Variants in PTPRN2 observed in about 807,000 individuals in gnomAD.
PTPRN2 encodes receptor-type tyrosine-protein phosphatase N2.
PTPRN2 carries 74 observed loss-of-function variants against 118.8 expected under a neutral mutation model. That is an observed-to-expected ratio of 0.62 (90% CI 0.52 to 0.76). PTPRN2 has a LOEUF of 0.76. Among genes scored for constraint, PTPRN2 ranks in the 30% least tolerant of loss-of-function variants. The pLI is 0.00. For synonymous variants in PTPRN2, 641 were observed against 608.0 expected (o/e 1.05, Z -0.80); for missense variants, 1,481 against 1,394.4 (o/e 1.06, Z -0.99).
chr7:158,017,395 G>A (rs1411842715), intron 11 of PTPRN2, among the ~76,000 whole-genome samples: 2 of 151,740 alleles, frequency 1.3e-5, no homozygotes, highest in Non-Finnish European at 2.9e-5. Context: ...CAGGAGCAGG[G>A]AGAAGGGTCT....
intron 11 of PTPRN2, among the ~76,000 whole-genome samples, chr7:158,018,565 T>C (rs975239717): frequency 6.6e-6 from 1 of 152,210 alleles, no homozygotes; most frequent in Non-Finnish European, 1.5e-5. Flanking sequence ...CATCTCGGCT[T>C]GAAATGGATC....
At chr7:158,052,348 A>C (rs748197867) in intron 11 of PTPRN2, among the ~76,000 whole-genome samples, 9 of 152,242 alleles carry the variant, frequency 5.9e-5, no homozygotes, top group Admixed American at 1.3e-4. Flanking sequence ...CGAAAGTTAA[A>C]GACAGAGAGA....
At chr7:157,983,801 G>A (rs1803501756) in intron 11 of PTPRN2, among the ~76,000 whole-genome samples, 1 of 152,246 alleles carries the variant, frequency 6.6e-6, no homozygotes, top group Non-Finnish European at 1.5e-5. Context: ...ACTGTTAAGT[G>A]GAAATTGTCT....
intron 12 of PTPRN2, among the ~76,000 whole-genome samples, chr7:157,724,802 A>G (rs1470642252): frequency 6.6e-6 from 1 of 152,250 alleles, no homozygotes; most frequent in Non-Finnish European, 1.5e-5. Context: ...AGAAATACTA[A>G]GTCCAACCAT....
At position 157,693,762 on chromosome 7, in the gene PTPRN2, C is replaced by A. The variant is rs553681164; in HGVS notation, c.1789-10825G>T. ...CCCGCGGCGACCTCGCACCACCTTC[C>A]CCGCCAGCCCGCGGCTCTCCTCGCC... is the stretch of plus-strand genomic sequence containing the variant. On this transcript the variant is annotated intron_variant, in intron 12 of 22. Coordinates refer to ENST00000389418, the MANE Select transcript of PTPRN2 (RefSeq NM_002847.5). Among the ~76,000 whole-genome samples, 21 of 152,226 alleles carry A rather than the reference C, an allele frequency of 1.4e-4. No individual in the cohort carries two copies. In the East Asian group the frequency reaches 3.7e-3, roughly 27 times the overall value.
chr7:158,158,272 C>T (rs751859637), intron 6 of PTPRN2, among the ~76,000 whole-genome samples: 7 of 152,328 alleles, frequency 4.6e-5, no homozygotes, highest in East Asian at 1.9e-4. Flanking sequence ...CTGCTGTCAC[C>T]GTGAAAAGTC....
intron 2 of PTPRN2, among the ~76,000 whole-genome samples, chr7:158,331,547 C>T (rs1278211429): frequency 1.4e-4 from 19 of 132,834 alleles, no homozygotes; most frequent in Admixed American, 1.4e-3. Context: ...ACCATAAGAG[C>T]TGACACCCGC....
intron 12 of PTPRN2, among the ~76,000 whole-genome samples, chr7:157,694,660 G>GT (rs1797681704): frequency 6.6e-6 from 1 of 152,074 alleles, no homozygotes; most frequent in Admixed American, 6.5e-5. Flanking sequence ...GCAGGAAAAT[G>GT]TATCTTCTAA....
At chr7:158,468,655 G>T (rs965979504) in intron 2 of PTPRN2, among the ~76,000 whole-genome samples, 1 of 152,128 alleles carries the variant, frequency 6.6e-6, no homozygotes, top group African/African-American at 2.4e-5. Flanking sequence ...AATAGAGAGG[G>T]GTGCGCAGGG....
chr7:158,068,464 C>A (rs943218361), intron 11 of PTPRN2, among the ~76,000 whole-genome samples: 1 of 152,178 alleles, frequency 6.6e-6, no homozygotes, highest in Non-Finnish European at 1.5e-5. Context: ...GCACTCGGCA[C>A]CACCTTTGCA....
chr7:158,504,653 T>C (rs1822616792), intron 1 of PTPRN2, among the ~76,000 whole-genome samples: 1 of 152,248 alleles, frequency 6.6e-6, no homozygotes, highest in Non-Finnish European at 1.5e-5. Flanking sequence ...TACACACAAC[T>C]TTATAACCTG....
In PTPRN2 at chr7:157,594,779, G is replaced by C. The variant is rs188558349; in HGVS notation, c.2496+459C>G. Among the ~76,000 whole-genome samples the C allele has an allele frequency of 3.2e-4, 49 of 152,332 alleles. 1 individual carries two copies. The highest frequency in any genetic ancestry group is 9.4e-4 in the African/African-American group (39 of 41,568). Reference sequence around the variant, plus strand: ...GACATTCACGTCAGCCCTCACGTCTGTGCCTTCATCTGTGTGACCTGGGCT... The same window carrying C: ...GACATTCACGTCAGCCCTCACGTCTCTGCCTTCATCTGTGTGACCTGGGCT... On this transcript the variant is annotated intron_variant, in intron 17 of 22. Coordinates refer to ENST00000389418, the MANE Select transcript of PTPRN2 (RefSeq NM_002847.5).
At chr7:157,739,083 ATC>A in intron 12 of PTPRN2, 1 of 152,180 alleles carries the variant, frequency 6.6e-6, no homozygotes, top group East Asian at 1.9e-4. Flanking sequence ...TTGTTCCCAA[ATC>A]TCTGTGACAT....
At chr7:158,491,710 G>A (rs917880798) in intron 1 of PTPRN2, among the ~76,000 whole-genome samples, 19 of 152,152 alleles carry the variant, frequency 1.2e-4, no homozygotes, top group African/African-American at 3.1e-4. Context: ...GGCTGGTCTC[G>A]AACTCCTGAC....
Position 158,362,275 on chromosome 7 carries a change from A to C in PTPRN2, c.164-45343T>G, listed in dbSNP as rs930260161. 3.3e-4 allele frequency among the ~76,000 whole-genome samples: 50 copies of C among 152,356 alleles called. 2 individuals are homozygous for C. Among genetic ancestry groups the C allele is most frequent in the Admixed American group, 2.7e-3 (42 of 15,298 alleles). ...CCTCAGCCTGGTGTCTCCCAAGGCC[A>C]GCACTGTCCTGTGTGGCAAGAGGAT... On this transcript the variant is annotated intron_variant, in intron 2 of 22. Coordinates refer to ENST00000389418, the MANE Select transcript of PTPRN2 (RefSeq NM_002847.5).
At chr7:158,585,676 AC>A (rs1310682711) in intron 1 of PTPRN2, among the ~76,000 whole-genome samples, 1 of 151,914 alleles carries the variant, frequency 6.6e-6, no homozygotes, top group African/African-American at 2.4e-5. Context: ...TCTCTCAGCT[AC>A]CCCCCACCTT....
chr7:158,330,770 A>G lies in PTPRN2; in HGVS notation c.164-13838T>C, dbSNP rs370565237. Among the ~76,000 whole-genome samples, 585 of 97,264 alleles carry G rather than the reference A, an allele frequency of 6.0e-3. 2 individuals are homozygous for G. The highest frequency in any genetic ancestry group is 0.018 in the African/African-American group (484 of 27,498). The allele number at this position is 97,264 out of a possible 152,430, so 63.8% of individuals were successfully genotyped here. A position where few individuals can be genotyped will look rare whatever the true frequency, so the allele number is the denominator to read the frequency against. On this transcript the variant is annotated intron_variant, in intron 2 of 22. Coordinates refer to ENST00000389418, the MANE Select transcript of PTPRN2 (RefSeq NM_002847.5). Reference sequence around the variant, plus strand: ...CCACACTCTCACCATAAGAGCTGACACCCGCAGACGTCACTCACACCCACA... The same window carrying G: ...CCACACTCTCACCATAAGAGCTGACGCCCGCAGACGTCACTCACACCCACA...
chr7:158,289,832 T>G (rs188194686), intron 3 of PTPRN2, among the ~76,000 whole-genome samples: 23 of 152,260 alleles, frequency 1.5e-4, no homozygotes, highest in Non-Finnish European at 2.6e-4. Flanking sequence ...GGGTAAGCCC[T>G]TCATCAATAA....
chr7:157,993,741 T>C (rs569693767), intron 11 of PTPRN2, among the ~76,000 whole-genome samples: 21 of 152,326 alleles, frequency 1.4e-4, no homozygotes, highest in Middle Eastern at 3.4e-3. Context: ...GAACCCATCC[T>C]AGGTCGGAAG....
Sources: allele counts gnomAD v4.1 joint callset (sites outside exome capture counted in the v4.1 genomes callset), GRCh38; gene constraint gnomAD v4.1.1; transcripts MANE v1.5; gene names NCBI Gene and HGNC (gene_info 2026-07-23, HGNC 2026-07-21).